The following NPHP1 variants were observed in gnomAD, a reference collection of about 807,000 sequenced individuals.
The protein encoded by NPHP1 is nephrocystin-1.
NPHP1 carries 70 observed loss-of-function variants against 90.4 expected under a neutral mutation model. The ratio of observed to expected loss-of-function variants is 0.77; its 90% CI spans 0.64 to 0.95. The LOEUF (loss-of-function observed/expected upper bound fraction) is 0.95. Among genes scored for constraint, NPHP1 ranks in the 40% least tolerant of loss-of-function variants. The pLI is 0.00. For synonymous variants in NPHP1, 256 were observed against 271.7 expected (o/e 0.94, Z 0.57); for missense variants, 764 against 795.9 (o/e 0.96, Z 0.48).
chr2:110,186,310 G>T (rs1458333278), intron 2 of NPHP1, among the ~76,000 whole-genome samples: 2 of 152,194 alleles, frequency 1.3e-5, no homozygotes, highest in Non-Finnish European at 2.9e-5. Context: ...TGGAGAGCCA[G>T]TGTCCTTAGG....
At chr2:110,193,076 G>C (rs188800639) in intron 2 of NPHP1, among the ~76,000 whole-genome samples, 3 of 152,082 alleles carry the variant, frequency 2.0e-5, no homozygotes, top group Admixed American at 2.0e-4. Flanking sequence ...AGACCATCGA[G>C]GCTAGGAAGA....
chr2:110,171,081 T>C (rs1342308332), intron 4 of NPHP1, among the ~76,000 whole-genome samples: 3 of 152,028 alleles, frequency 2.0e-5, no homozygotes, highest in Non-Finnish European at 4.4e-5. Flanking sequence ...AAGGTGAGGG[T>C]GGCTGTTGAA....
At chr2:110,167,155 G>A (rs1682780592) in intron 6 of NPHP1, among the ~76,000 whole-genome samples, 2 of 151,976 alleles carry the variant, frequency 1.3e-5, no homozygotes, top group Non-Finnish European at 2.9e-5. Context: ...ACTGATTCCT[G>A]GCACAGAGCT....
At chr2:110,187,677 T>A (rs1401918197) in intron 2 of NPHP1, among the ~76,000 whole-genome samples, 1 of 151,984 alleles carries the variant, frequency 6.6e-6, no homozygotes, top group African/African-American at 2.4e-5. Flanking sequence ...GTATCCAGCA[T>A]CCTCCCGATA....
Position 110,143,660 on chromosome 2 carries a change from A to C in NPHP1, c.1430-19T>G, listed in dbSNP as rs1680809490. ...CCGTGTGCTTTTAAGAAAAATCAAA[A>C]GTAACTCACGAAACTTTAAGTACTT... On this transcript the variant is annotated intron_variant, in intron 15 of 19. Transcript: ENST00000445609. The C allele has an allele frequency of 6.4e-7, 1 of 1,560,322 alleles. No homozygotes were observed.
At chr2:110,143,738 G>C (rs753369596) in intron 15 of NPHP1, 97 bp from the exon 16 acceptor site, 14 of 836,612 alleles carry the variant, frequency 1.7e-5, no homozygotes, top group Non-Finnish European at 1.6e-5. Flanking sequence ...CCACCCAGTA[G>C]TGCTGAATTG....
intron 2 of NPHP1, among the ~76,000 whole-genome samples, chr2:110,189,653 C>T (rs914098901): frequency 2.0e-5 from 3 of 152,090 alleles, no homozygotes; most frequent in African/African-American, 7.2e-5. Context: ...TTTTATCTGG[C>T]CCCACCTACA....
intron 18 of NPHP1, chr2:110,126,971 T>C (rs1355124712): frequency 1.3e-5 from 2 of 152,626 alleles, no homozygotes; most frequent in African/African-American, 4.8e-5. Context: ...CATTTGGGAA[T>C]AGCAAACGTG....
chr2:110,185,883 C>T (rs1248242274), intron 2 of NPHP1, among the ~76,000 whole-genome samples: 3 of 152,184 alleles, frequency 2.0e-5, no homozygotes, highest in African/African-American at 7.2e-5. Context: ...GCCCATTCCC[C>T]TTCCAGGGGC....
At chr2:110,199,187 C>A (rs1685392087) in intron 2 of NPHP1, among the ~76,000 whole-genome samples, 1 of 152,014 alleles carries the variant, frequency 6.6e-6, no homozygotes, top group Non-Finnish European at 1.5e-5. Context: ...AATCCCAGCA[C>A]TTTGGGAGGC....
At chr2:110,144,147 G>A in intron 15 of NPHP1, 1 of 338,644 alleles carries the variant, frequency 3.0e-6, no homozygotes, top group Admixed American at 4.6e-5. Context: ...TATTTCTAGA[G>A]GGCAATTTGG....
Position 110,137,162 on chromosome 2 carries a change from C to T in NPHP1, c.1530-5371G>A, listed in dbSNP as rs1680263885. Among the ~76,000 whole-genome samples, 2 of 152,030 alleles carry T rather than the reference C, an allele frequency of 1.3e-5. 1 individual carries two copies. The highest frequency in any genetic ancestry group is 1.3e-4 in the Admixed American group (2 of 15,274). Reference sequence around the variant, plus strand: ...CTGGATCCCTTCCTTACACCTTATACAAAAATTAATTCAAGATGGATTAAA... The same window carrying T: ...CTGGATCCCTTCCTTACACCTTATATAAAAATTAATTCAAGATGGATTAAA... On this transcript the variant is annotated intron_variant, in intron 16 of 19. Coordinates refer to ENST00000445609, the MANE Select transcript of NPHP1 (RefSeq NM_001128178.3).
At chr2:110,162,958 CAACA>C (rs1230003989) in intron 9 of NPHP1, 86 bp downstream of exon 9, 1 of 826,222 alleles carries the variant, frequency 1.2e-6, no homozygotes, top group African/African-American at 1.7e-5. Context: ...ACATCTTCTT[CAACA>C]ATGTGTTTTG....
In NPHP1 at chr2:110,169,830, C is replaced by T. The variant is rs777885133; in HGVS notation, c.498G>A (p.Gln166=). 9 of 1,613,076 alleles carry T rather than the reference C, an allele frequency of 5.6e-6. No homozygotes were observed. Among genetic ancestry groups the T allele is most frequent in the Non-Finnish European group, 7.6e-6 (9 of 1,179,306 alleles). The change falls in exon 5 of 20, where the codon CAG becomes CAA. Residue 166 remains glutamine, a synonymous_variant. Coordinates refer to ENST00000445609, the MANE Select transcript of NPHP1 (RefSeq NM_001128178.3). ...CCTTAAATGTAAGATCTCCAACTTG[C>T]TGAGCAGTAAAATCTCCAACAGCGA... ...EYIAVGDFTA[Q]QVGDLTFKKG... is the part of the protein sequence containing the mutation.
intron 2 of NPHP1, among the ~76,000 whole-genome samples, chr2:110,189,781 G>C (rs2104661488): frequency 6.6e-6 from 1 of 152,202 alleles, no homozygotes; most frequent in African/African-American, 2.4e-5. Context: ...CACTAGATTA[G>C]CTAGATAAAG....
intron 18 of NPHP1, 77 bp from the exon 19 acceptor site, chr2:110,125,758 A>T (rs1679313069): frequency 8.5e-7 from 1 of 1,178,146 alleles, no homozygotes; most frequent in Non-Finnish European, 1.3e-6. Flanking sequence ...TTTACTCTGT[A>T]AATAAACTTA....
At chr2:110,168,648 G>A in intron 5 of NPHP1, 95 bp from the exon 6 acceptor site, 1 of 865,222 alleles carries the variant, frequency 1.2e-6, no homozygotes, top group Non-Finnish European at 1.9e-6. Flanking sequence ...TGAAAAAAAG[G>A]CAAAATCTTT....
At position 110,150,178 on chromosome 2, in the gene NPHP1, T is replaced by C. The variant is rs763309390; in HGVS notation, c.1158+4A>G. 1.2e-6 allele frequency: 2 copies of C among 1,610,506 alleles called. No individual in the cohort carries two copies. The highest frequency in any genetic ancestry group is 1.7e-6 in the Non-Finnish European group (2 of 1,176,690). ...TCACTCCACTCATTCAGCAGATTAC[T>C]TACCTGGGGAGAAAAGGTCCATGTT... On this transcript the variant is annotated splice_donor_region_variant and intron_variant, in intron 12 of 19. Coordinates refer to ENST00000445609, the MANE Select transcript of NPHP1 (RefSeq NM_001128178.3).
chr2:110,124,673 G>GAT, intron 19 of NPHP1: 1 of 178,610 alleles, frequency 5.6e-6, no homozygotes, highest in Non-Finnish European at 1.2e-5. Flanking sequence ...ACAGCAAGTT[G>GAT]AGGGCAGAGC....
Sources: gnomAD v4.1 joint callset for allele counts (sites outside exome capture counted in the v4.1 genomes callset) on GRCh38, gnomAD v4.1.1 for gene constraint, MANE v1.5 for transcripts, NCBI Gene and HGNC (gene_info 2026-07-23, HGNC 2026-07-21) for gene names.